CNTNAP5: variants seen among roughly 807,000 people sequenced by gnomAD.
CNTNAP5 encodes contactin associated protein family member 5.
CNTNAP5 carries 72 observed loss-of-function variants against 150.2 expected under a neutral mutation model. The ratio of observed to expected loss-of-function variants is 0.48; its 90% confidence interval spans 0.40 to 0.58. The LOEUF is 0.58. Ranked by LOEUF, CNTNAP5 falls within the 20% of genes least tolerant of loss-of-function variation. CNTNAP5 has a pLI of 0.00. For synonymous variants in CNTNAP5, 672 were observed against 619.8 expected, an observed-to-expected ratio of 1.08 and a Z score of -1.25; for missense variants, 1,636 against 1,626.2, an observed-to-expected ratio of 1.01 and a Z score of -0.10.
intron 11 of CNTNAP5, among the ~76,000 whole-genome samples, chr2:124,588,722 T>G (rs2104957589): frequency 6.6e-6 from 1 of 152,238 alleles, no homozygotes; most frequent in Non-Finnish European, 1.5e-5. Flanking sequence ...CACAACAACA[T>G]TCTCTACTTA....
intron 20 of CNTNAP5, among the ~76,000 whole-genome samples, chr2:124,865,962 A>T (rs183654209): frequency 6.6e-6 from 1 of 151,160 alleles, no homozygotes; most frequent in Non-Finnish European, 1.5e-5. Flanking sequence ...ATTAAAAGAA[A>T]AAAAGAAATA....
chr2:124,648,735 T>G (rs1413518332), intron 13 of CNTNAP5, among the ~76,000 whole-genome samples: 1 of 152,176 alleles, frequency 6.6e-6, no homozygotes, highest in African/African-American at 2.4e-5. Flanking sequence ...TTCATCAAAA[T>G]TTACATGTTT....
rs558763171 is a variant in CNTNAP5, at chr2:124,685,183, G to A, written c.2077+37225G>A. Among the ~76,000 whole-genome samples the A allele has an allele frequency of 1.0e-3, 152 of 152,144 alleles. 1 individual carries two copies. The highest frequency in any genetic ancestry group is 3.2e-3 in the African/African-American group (134 of 41,516). ...GACACCCCTGGATGAAAATCCCCTC[G>A]GATACTTCTTGTAATTCTGACTGCA... On this transcript the variant is annotated intron_variant, in intron 13 of 23. Transcript: ENST00000682447.
chr2:124,041,585 A>G lies in CNTNAP5; in HGVS notation c.82+15853A>G, dbSNP rs568008503. On this transcript the variant is annotated intron_variant, in intron 1 of 23. Transcript: ENST00000682447. ...AAAGGAATTAACGTGGAGTCAGATT[A>G]GTGGTTTTCAATCAGATGTAACTTT... is the stretch of plus-strand genomic sequence containing the variant. Among the ~76,000 whole-genome samples, 4 of 152,286 alleles carry G rather than the reference A, an allele frequency of 2.6e-5. No individual in the cohort carries two copies. The East Asian group carries it at 7.7e-4, about 29-fold the overall frequency.
At chr2:124,378,866 T>C (rs1002559483) in intron 3 of CNTNAP5, among the ~76,000 whole-genome samples, 1 of 152,186 alleles carries the variant, frequency 6.6e-6, no homozygotes, top group African/African-American at 2.4e-5. Context: ...GAAACAACTT[T>C]CTATGTGAGA....
At chr2:124,845,833 C>T (rs1683036956) in intron 19 of CNTNAP5, among the ~76,000 whole-genome samples, 1 of 151,844 alleles carries the variant, frequency 6.6e-6, no homozygotes, top group Non-Finnish European at 1.5e-5. Flanking sequence ...AGTAGTAATA[C>T]CTCCTGTTTC....
chr2:124,050,390 G>A (rs1482844695), intron 1 of CNTNAP5, among the ~76,000 whole-genome samples: 1 of 151,994 alleles, frequency 6.6e-6, no homozygotes, highest in Non-Finnish European at 1.5e-5. Context: ...CTTGAGTCCG[G>A]GAGGTGGAGG....
chr2:124,697,677 G>C (rs1679432050), intron 13 of CNTNAP5, among the ~76,000 whole-genome samples: 1 of 150,374 alleles, frequency 6.7e-6, no homozygotes. Flanking sequence ...TCCTTCACTA[G>C]AGACTTCTTC....
intron 11 of CNTNAP5, among the ~76,000 whole-genome samples, chr2:124,599,821 C>T (rs1696939287): frequency 6.6e-6 from 1 of 151,934 alleles, no homozygotes; most frequent in Non-Finnish European, 1.5e-5. Context: ...ATTGCAGCCT[C>T]AAACTCATGG....
intron 4 of CNTNAP5, among the ~76,000 whole-genome samples, chr2:124,430,785 T>C (rs909810760): frequency 6.6e-6 from 1 of 152,188 alleles, no homozygotes; most frequent in Non-Finnish European, 1.5e-5. Context: ...CTCAGTGTGA[T>C]GTGAAGGCTA....
chr2:124,231,653 CTG>C (rs2104753583), intron 2 of CNTNAP5, among the ~76,000 whole-genome samples: 1 of 152,248 alleles, frequency 6.6e-6, no homozygotes, highest in Admixed American at 6.5e-5. Context: ...TAAAATCATA[CTG>C]TGTGGCCTAA....
intron 3 of CNTNAP5, among the ~76,000 whole-genome samples, chr2:124,401,994 C>A (rs1047352224): frequency 2.0e-5 from 3 of 152,106 alleles, no homozygotes; most frequent in Non-Finnish European, 4.4e-5. Flanking sequence ...TCTATTATAT[C>A]CCCTCACTAA....
chr2:124,629,950 A>C (rs1467372198), intron 12 of CNTNAP5, among the ~76,000 whole-genome samples: 1 of 150,476 alleles, frequency 6.6e-6, no homozygotes, highest in African/African-American at 2.4e-5. Context: ...AAAAAAAAAA[A>C]AAAAACTGGA....
At chr2:124,841,379 C>CTT (rs71917649) in intron 19 of CNTNAP5, among the ~76,000 whole-genome samples, 11 of 145,298 alleles carry the variant, frequency 7.6e-5, no homozygotes, top group African/African-American at 2.5e-4. Context: ...TGCACTCCAT[C>CTT]TTTTTTTTTT....
intron 19 of CNTNAP5, among the ~76,000 whole-genome samples, chr2:124,837,516 G>A (rs1682856029): frequency 6.6e-6 from 1 of 152,114 alleles, no homozygotes; most frequent in African/African-American, 2.4e-5. Context: ...ATGTAGATCA[G>A]ATGGCCCTAT....
At chr2:124,267,667 T>C (rs1687644682) in intron 3 of CNTNAP5, among the ~76,000 whole-genome samples, 1 of 152,186 alleles carries the variant, frequency 6.6e-6, no homozygotes, top group African/African-American at 2.4e-5. Context: ...TCTAGGAGAA[T>C]GACTTGCATT....
rs548298365 is a variant in CNTNAP5 at position 124,638,833 on chromosome 2, G to A, written c.1877-8925G>A. On this transcript the variant is annotated intron_variant, in intron 12 of 23. Transcript: ENST00000682447. ...ACAATATACAGTGGAAATCATTCTG[G>A]ATCAGTTTACAGAGATCTTATGTAT... Among the ~76,000 whole-genome samples, 6 of 152,216 alleles carry A rather than the reference G, an allele frequency of 3.9e-5. No homozygotes were observed. In the East Asian group the frequency reaches 1.2e-3, roughly 29 times the overall value.
rs374616036 is a variant in CNTNAP5 at position 124,782,283 on chromosome 2, G to T, written c.2753-7619G>T. 3.3e-4 allele frequency among the ~76,000 whole-genome samples: 50 copies of T among 152,228 alleles called. No individual in the cohort carries two copies. The East Asian group carries it at 6.6e-3, about 20-fold the overall frequency. On this transcript the variant is annotated intron_variant, in intron 17 of 23. Coordinates refer to ENST00000682447, the MANE Select transcript of CNTNAP5 (RefSeq NM_001367498.1). ...ACCTCTGATGGTGCCTGCATGCCCAGCAGGAAAATATGGATGATAATGTGT... is the reference window on the plus strand; with the variant it reads ...ACCTCTGATGGTGCCTGCATGCCCATCAGGAAAATATGGATGATAATGTGT...
intron 10 of CNTNAP5, among the ~76,000 whole-genome samples, chr2:124,561,843 T>A (rs1324211650): frequency 6.6e-6 from 1 of 152,214 alleles, no homozygotes; most frequent in Non-Finnish European, 1.5e-5. Context: ...AGATTCTTAG[T>A]GGCTTCACAA....
Sources: gnomAD v4.1 joint callset for allele counts (sites outside exome capture counted in the v4.1 genomes callset) on GRCh38, gnomAD v4.1.1 for gene constraint, MANE v1.5 for transcripts, NCBI Gene and HGNC (gene_info 2026-07-23, HGNC 2026-07-21) for gene names.